The following ZAP70 variants were observed in gnomAD, a reference collection of about 807,000 sequenced individuals.
The protein encoded by ZAP70 is zeta chain of T cell receptor associated protein kinase 70.
Under a neutral mutation model 65.8 loss-of-function variants are expected in ZAP70, and 27 were observed. The ratio of observed to expected loss-of-function variants is 0.41; its 90% CI spans 0.30 to 0.57. The LOEUF is 0.57. ZAP70 is among the 20% of genes least tolerant of loss of function. The pLI is 0.28. For synonymous variants in ZAP70, 363 were observed against 360.8 expected, an observed-to-expected ratio of 1.01 and a Z score of -0.07; for missense variants, 696 against 870.5, an observed-to-expected ratio of 0.80 and a Z score of 2.52.
chr2:97,735,616 C>T lies in ZAP70; in HGVS notation c.1289+160C>T, dbSNP rs1677842624. On this transcript the variant is annotated intron_variant, in intron 10 of 13. Transcript: ENST00000264972. ...TGCACACCCACACCCATACCCATGC[C>T]TGCAAAGCAGAGCTAACCCTCAGTC... 2.0e-5 allele frequency among the ~76,000 whole-genome samples: 3 copies of T among 152,266 alleles called. No homozygotes were observed. The South Asian group carries it at 6.2e-4, about 31-fold the overall frequency.
At chr2:97,750,729 T>A in the ZAP70 span, among the ~76,000 whole-genome samples, 2 of 152,356 alleles carry the variant, frequency 1.3e-5, no homozygotes, top group African/African-American at 4.8e-5. Flanking sequence ...ACTGTCCTGT[T>A]CCCCTGTGGT....
chr2:97,726,033 C>G (rs1677376276), intron 4 of ZAP70, among the ~76,000 whole-genome samples: 2 of 152,094 alleles, frequency 1.3e-5, no homozygotes, highest in Non-Finnish European at 1.5e-5. Flanking sequence ...GCAGCCCCCT[C>G]TAACTGTCCT....
intron 4 of ZAP70, among the ~76,000 whole-genome samples, chr2:97,725,518 A>T (rs1677353136): frequency 6.6e-6 from 1 of 152,234 alleles, no homozygotes; most frequent in Non-Finnish European, 1.5e-5. Context: ...TTGGGCAAGT[A>T]GCGGACTGTG....
chr2:97,734,464 C>T, intron 8 of ZAP70, 56 bp from the exon 9 acceptor site: 1 of 1,552,430 alleles, frequency 6.4e-7, no homozygotes, highest in East Asian at 2.4e-5. Flanking sequence ...GCTGAGGCTG[C>T]CTTGCTCCCC....
In ZAP70 at chr2:97,735,337, G is replaced by T; in HGVS notation, c.1170G>T (p.Met390Ile). 1 of 1,614,174 alleles carries T rather than the reference G, an allele frequency of 6.2e-7. No individual in the cohort carries two copies. Among genetic ancestry groups the T allele is most frequent in the Non-Finnish European group, 8.5e-7 (1 of 1,179,994 alleles). ...AGATGATGCGCGAGGCGCAGATCAT[G>T]CACCAGCTGGACAACCCCTACATCG... ...TEEMMREAQI[M>I]HQLDNPYIVR... The change falls in exon 10 of 14, where the codon ATG becomes ATT. Residue 390 changes from methionine (M) to isoleucine (I), a missense_variant. Transcript: ENST00000264972.
chr2:97,741,548 C>T (rs1678131248), downstream of ZAP70, among the ~76,000 whole-genome samples: 1 of 152,090 alleles, frequency 6.6e-6, no homozygotes, highest in Admixed American at 6.5e-5. Flanking sequence ...CGTTCCCTCC[C>T]GGGTGATGTC....
chr2:97,756,342 A>T, the ZAP70 span: 36 of 152,386 alleles, frequency 2.4e-4, no homozygotes, highest in African/African-American at 8.7e-4. Flanking sequence ...AGGCTTTTGA[A>T]AAAAGCATCA....
At position 97,739,482 on chromosome 2, in the gene ZAP70, AG is replaced by A; in HGVS notation, c.1846del (p.Ala616LeufsTer31). The stretch of plus-strand genomic sequence containing the variant: ...CCCCCAGGCAGCACACAGAAGGCTG[AG>A]GCTGCCTGTGCCTGAGCTCCCGCTG... The part of the protein sequence containing the change: ...EGPPGSTQKA[E>X]AACA On this transcript the variant is annotated frameshift_variant, in exon 14 of 14. Coordinates refer to ENST00000264972, the MANE Select transcript of ZAP70 (RefSeq NM_001079.4). LOFTEE classifies it high-confidence loss of function. The A allele has an allele frequency of 6.2e-7, 1 of 1,612,934 alleles. No individual in the cohort carries two copies. Among genetic ancestry groups the A allele is most frequent in the Non-Finnish European group, 8.5e-7 (1 of 1,179,730 alleles).
At chr2:97,734,315 G>A in intron 8 of ZAP70, 1 of 1,404,576 alleles carries the variant, frequency 7.1e-7, no homozygotes, top group Non-Finnish European at 9.3e-7. Context: ...CCCTCATGTG[G>A]CTTCATGGGG....
In ZAP70 at chr2:97,733,012, G is replaced by A. The variant is rs147979285; in HGVS notation, c.693G>A (p.Thr231=). The A allele has an allele frequency of 2.0e-5, 32 of 1,613,994 alleles. No individual in the cohort carries two copies. The highest frequency in any genetic ancestry group is 2.5e-5 in the Non-Finnish European group (29 of 1,180,036). Residue 231 remains threonine, a synonymous_variant, in exon 5 of 14, where the codon ACG becomes ACA. Coordinates refer to ENST00000264972, the MANE Select transcript of ZAP70 (RefSeq NM_001079.4). ...YCIPEGTKFD[T]LWQLVEYLKL... ...TTCCCGAGGGCACCAAGTTTGACAC[G>A]CTCTGGCAGGTAGGCTGCCCGTGCA...
intron 4 of ZAP70, among the ~76,000 whole-genome samples, chr2:97,728,750 T>C (rs1361480956): frequency 6.6e-6 from 1 of 152,132 alleles, no homozygotes; most frequent in Non-Finnish European, 1.5e-5. Context: ...AGAGAGTACA[T>C]TGTCAAGTGT....
intron 2 of ZAP70, among the ~76,000 whole-genome samples, chr2:97,720,566 G>A (rs1677119363): frequency 6.6e-6 from 1 of 152,144 alleles, no homozygotes; most frequent in Non-Finnish European, 1.5e-5. Flanking sequence ...TGGCCAGGCT[G>A]GTCTCAGACT....
chr2:97,746,158 A>T, the ZAP70 span, among the ~76,000 whole-genome samples: 4 of 152,298 alleles, frequency 2.6e-5, no homozygotes, highest in South Asian at 8.3e-4. Context: ...AGTTACCAGG[A>T]GCTGGGGGGA....
chr2:97,743,587 C>T (rs555714783), downstream of ZAP70, among the ~76,000 whole-genome samples: 8 of 152,316 alleles, frequency 5.3e-5, no homozygotes, highest in Non-Finnish European at 7.3e-5. Flanking sequence ...CCACCCGCCT[C>T]GGCCTCCCAA....
chr2:97,755,198 G>A, the ZAP70 span, among the ~76,000 whole-genome samples: 7 of 152,322 alleles, frequency 4.6e-5, 1 homozygote, highest in Admixed American at 3.3e-4. Flanking sequence ...GTGGCGTACC[G>A]AGACTCGCCT....
chr2:97,724,708 C>A (rs1677309333), intron 3 of ZAP70: 2 of 1,513,876 alleles, frequency 1.3e-6, no homozygotes, highest in South Asian at 2.4e-5. Flanking sequence ...CTGGGCCGGG[C>A]GAAGGCGAGG....
downstream of ZAP70, among the ~76,000 whole-genome samples, chr2:97,740,906 G>GAGAT (rs1678112244): frequency 6.6e-6 from 1 of 152,224 alleles, no homozygotes; most frequent in African/African-American, 2.4e-5. Context: ...GACAGTTTGA[G>GAGAT]AGATAAAAGT....
chr2:97,753,823 A>T, the ZAP70 span, among the ~76,000 whole-genome samples: 2 of 151,914 alleles, frequency 1.3e-5, no homozygotes, highest in Admixed American at 1.3e-4. Context: ...AACAAAAAAT[A>T]AAAAAATAAA....
chr2:97,729,685 T>C (rs1267658295), intron 4 of ZAP70, among the ~76,000 whole-genome samples: 1 of 152,148 alleles, frequency 6.6e-6, no homozygotes, highest in African/African-American at 2.4e-5. Context: ...TAAGTGCAAG[T>C]TCCAACTGCA....
Sources: allele counts gnomAD v4.1 joint callset (sites outside exome capture counted in the v4.1 genomes callset), GRCh38; gene constraint gnomAD v4.1.1; transcripts MANE v1.5; gene names NCBI Gene and HGNC (gene_info 2026-07-23, HGNC 2026-07-21).